WDR41: variants seen among roughly 807,000 people sequenced by gnomAD.
WDR41 encodes WD repeat-containing protein 41.
WDR41 carries 63 observed loss-of-function variants against 69.3 expected under a neutral mutation model. That is an observed-to-expected ratio of 0.91 (90% confidence interval 0.74 to 1.12). The LOEUF (loss-of-function observed/expected upper bound fraction) is 1.12, where lower values mean the gene tolerates loss of function less well. Ranked by LOEUF, WDR41 falls within the 50% of genes most tolerant of loss-of-function variation. The probability of loss-of-function intolerance (pLI) is 0.00; values close to 1 mark genes in which losing one functional copy is unlikely to be tolerated. For missense variants in WDR41, 543 were observed against 534.5 expected (o/e 1.02, Z -0.16); for synonymous variants, 185 against 192.1 (o/e 0.96, Z 0.31).
At chr5:77,457,977 C>G (rs1463442367) in intron 5 of WDR41, among the ~76,000 whole-genome samples, 2 of 151,968 alleles carry the variant, frequency 1.3e-5, no homozygotes, top group Non-Finnish European at 1.5e-5. Context: ...CACAGTTTAC[C>G]AAAAGGAATT....
At chr5:77,618,874 G>A (rs998196241) in intron 1 of WDR41, among the ~76,000 whole-genome samples, 4 of 152,138 alleles carry the variant, frequency 2.6e-5, no homozygotes, top group Non-Finnish European at 5.9e-5. Flanking sequence ...GTGATATAAC[G>A]ACGTTTTAGA....
intron 1 of WDR41, among the ~76,000 whole-genome samples, chr5:77,532,025 T>C (rs192973415): frequency 6.6e-6 from 1 of 152,140 alleles, no homozygotes; most frequent in East Asian, 1.9e-4. Context: ...TAGAACTAGA[T>C]AGAGATAGTG....
Position 77,438,329 on chromosome 5 carries a change from G to A in WDR41, c.915C>T (p.Tyr305=), listed in dbSNP as rs763322523. The A allele has an allele frequency of 3.0e-5, 49 of 1,613,874 alleles. No homozygotes were observed. The Admixed American group carries it at 3.3e-4, about 11-fold the overall frequency. ...CACGCTTCATTTGAAGGCTATACAC[G>A]TATAAACCCCTTCCAACTGCAGCAA... ...NVFAAVGRGL[Y]VYSLQMKRVI... Residue 305 remains tyrosine (Y), a synonymous_variant, in exon 10 of 13, where the codon TAC becomes TAT. Coordinates refer to ENST00000296679, the MANE Select transcript of WDR41 (RefSeq NM_018268.4).
chr5:77,532,381 C>T (rs373749290), intron 1 of WDR41, among the ~76,000 whole-genome samples: 14 of 152,124 alleles, frequency 9.2e-5, no homozygotes, highest in African/African-American at 3.4e-4. Context: ...ACTTTGGAAA[C>T]CTGTTAGTCA....
intron 2 of WDR41, among the ~76,000 whole-genome samples, chr5:77,471,754 A>G (rs1800626055): frequency 6.6e-6 from 1 of 152,190 alleles, no homozygotes; most frequent in African/African-American, 2.4e-5. Context: ...GAATAGACCA[A>G]TAACAGGATC....
intron 1 of WDR41, among the ~76,000 whole-genome samples, chr5:77,551,216 A>T (rs1203037216): frequency 1.3e-5 from 2 of 152,222 alleles, no homozygotes; most frequent in African/African-American, 4.8e-5. Context: ...TAAAATCTGA[A>T]ATTATAAAAT....
intron 1 of WDR41, chr5:77,491,139 C>G (rs1391751811): frequency 4.9e-6 from 2 of 406,152 alleles, no homozygotes; most frequent in Non-Finnish European, 9.9e-6. Flanking sequence ...TAACTGATGA[C>G]ATTCCACCAC....
Position 77,610,280 on chromosome 5 carries a change from G to A in WDR41, c.42+10199C>T, listed in dbSNP as rs1240475417. On this transcript the variant is annotated intron_variant, in intron 1 of 5. Coordinates refer to the WDR41 transcript ENST00000509971. ...CCCCAATCTAGCAAGGCAGGCCAAT[G>A]TTCAGATTCAGGAAATACAGAGAAC... Among the ~76,000 whole-genome samples the A allele has an allele frequency of 2.8e-4, 42 of 152,266 alleles. No individual in the cohort carries two copies. The East Asian group carries it at 7.3e-3, about 27-fold the overall frequency.
chr5:77,608,595 C>G (rs1318995198), intron 1 of WDR41, among the ~76,000 whole-genome samples: 2 of 152,238 alleles, frequency 1.3e-5, no homozygotes, highest in African/African-American at 4.8e-5. Flanking sequence ...CAGAACATTT[C>G]CATCACTGCA....
chr5:77,511,642 C>T (rs1221524722), intron 1 of WDR41, among the ~76,000 whole-genome samples: 1 of 152,098 alleles, frequency 6.6e-6, no homozygotes, highest in African/African-American at 2.4e-5. Flanking sequence ...GGAATCTGTT[C>T]AAACATCCAT....
chr5:77,532,747 A>T (rs1193776034), intron 1 of WDR41, among the ~76,000 whole-genome samples: 2 of 152,180 alleles, frequency 1.3e-5, no homozygotes, highest in Non-Finnish European at 2.9e-5. Flanking sequence ...AAACTAAATT[A>T]TACAGTAAAT....
rs906357068 is a variant in WDR41, at chr5:77,465,983, C to T, written c.168-1174G>A. ...TTCACTGGCTCAGACAATTCCAATACTCAGTTCTTATTTCAAAATCCTTTG... is the reference window on the plus strand; with the variant it reads ...TTCACTGGCTCAGACAATTCCAATATTCAGTTCTTATTTCAAAATCCTTTG... On this transcript the variant is annotated intron_variant, in intron 2 of 12. Transcript: ENST00000296679. 2.0e-5 allele frequency among the ~76,000 whole-genome samples: 3 copies of T among 151,966 alleles called. No homozygotes were observed. In the East Asian group the frequency reaches 5.8e-4, roughly 29 times the overall value.
chr5:77,449,943 C>G (rs557522519), intron 7 of WDR41, 73 bp from the exon 8 acceptor site: 1 of 1,040,086 alleles, frequency 9.6e-7, no homozygotes, highest in Admixed American at 2.3e-5. Flanking sequence ...GCTCTAAAAA[C>G]AAGCATTTCA....
chr5:77,435,053 G>A (rs568291927), intron 12 of WDR41, among the ~76,000 whole-genome samples: 32 of 152,204 alleles, frequency 2.1e-4, no homozygotes, highest in African/African-American at 6.5e-4. Flanking sequence ...GGAACCCAGC[G>A]CTCCGGCCTA....
chr5:77,503,161 G>A (rs1210548027), intron 1 of WDR41, among the ~76,000 whole-genome samples: 1 of 139,710 alleles, frequency 7.2e-6, no homozygotes, highest in African/African-American at 2.8e-5. Context: ...ATAAAGGGAT[G>A]GAGGAAGATC....
At chr5:77,547,983 C>G (rs1462712353) in intron 1 of WDR41, among the ~76,000 whole-genome samples, 1 of 151,548 alleles carries the variant, frequency 6.6e-6, no homozygotes, top group Non-Finnish European at 1.5e-5. Context: ...AACCCAAATA[C>G]TTACAGCCAA....
intron 1 of WDR41, among the ~76,000 whole-genome samples, chr5:77,558,326 A>G (rs998124998): frequency 1.3e-5 from 2 of 152,170 alleles, no homozygotes; most frequent in Non-Finnish European, 2.9e-5. Flanking sequence ...AAAATCTAAG[A>G]AAAATAGAAA....
chr5:77,604,988 A>G (rs1325945724), intron 1 of WDR41, among the ~76,000 whole-genome samples: 2 of 151,550 alleles, frequency 1.3e-5, no homozygotes, highest in Non-Finnish European at 2.9e-5. Context: ...CACAGGAAAC[A>G]TAACAATGAC....
Position 77,616,710 on chromosome 5 carries a change from C to T in WDR41, c.42+3769G>A, listed in dbSNP as rs149467823. On this transcript the variant is annotated intron_variant, in intron 1 of 5. Transcript: ENST00000509971. Reference sequence around the variant, plus strand: ...TACTCTAAATGACCAAGCCACAGCCCAAACATTTACATACAGATACATTAA... The same window carrying T: ...TACTCTAAATGACCAAGCCACAGCCTAAACATTTACATACAGATACATTAA... Among the ~76,000 whole-genome samples, 26 of 152,246 alleles carry T rather than the reference C, an allele frequency of 1.7e-4. No individual in the cohort carries two copies. In the East Asian group the frequency reaches 5.0e-3, roughly 29 times the overall value.
Sources: gnomAD v4.1 joint callset for allele counts (sites outside exome capture counted in the v4.1 genomes callset) on GRCh38, gnomAD v4.1.1 for gene constraint, MANE v1.5 for transcripts, NCBI Gene and HGNC (gene_info 2026-07-23, HGNC 2026-07-21) for gene names.